The following EML6 variants were observed in gnomAD, a reference collection of about 807,000 sequenced individuals.
EML6 encodes the protein EMAP like 6, also known as echinoderm microtubule-associated protein-like 6.
A neutral mutation model predicts 240.1 loss-of-function variants in EML6; 154 were observed. The ratio of observed to expected loss-of-function variants is 0.64; its 90% confidence interval spans 0.56 to 0.73. The LOEUF (loss-of-function observed/expected upper bound fraction) is 0.73. EML6 is among the 30% of genes least tolerant of loss of function. The pLI is 0.00. For synonymous variants in EML6, 1,148 were observed against 899.0 expected (o/e 1.28, Z -4.95); for missense variants, 2,964 against 2,474.6 (o/e 1.20, Z -4.20).
At chr2:54,796,952 A>G (rs752400843) in intron 2 of EML6, among the ~76,000 whole-genome samples, 4 of 151,964 alleles carry the variant, frequency 2.6e-5, no homozygotes, top group African/African-American at 7.3e-5. Context: ...TCTCGAGGTC[A>G]GGAGATCCAG....
At chr2:54,844,467 A>C (rs74969338) in intron 8 of EML6, among the ~76,000 whole-genome samples, 4,263 of 152,230 alleles carry the variant, frequency 0.028, 204 homozygotes, top group African/African-American at 0.098. Flanking sequence ...TAGAAGTGAA[A>C]AATGCTTCAA....
rs761561463 is a variant in EML6, at chr2:54,847,564, C to T, written c.1128C>T (p.Pro376=). 1.4e-5 allele frequency: 21 copies of T among 1,552,276 alleles called. No homozygotes were observed. In the African/African-American group the frequency reaches 1.4e-4, roughly 10 times the overall value. Residue 376 remains proline (P), a synonymous_variant, in exon 9 of 42, where the codon CCC becomes CCT. Transcript: ENST00000356458. The stretch of plus-strand genomic sequence containing the variant: ...CGGTTCGCAGTGTAGCTTTCAGCCC[C>T]GACGGATCTCAGCTGGCCCTGGGCA... ...EEAVRSVAFS[P]DGSQLALGMK...
At chr2:54,830,325 C>T (rs1371895178) in intron 7 of EML6, among the ~76,000 whole-genome samples, 1 of 152,116 alleles carries the variant, frequency 6.6e-6, no homozygotes, top group East Asian at 1.9e-4. Context: ...ACAGGTGGGC[C>T]ACAGACCCTG....
intron 2 of EML6, among the ~76,000 whole-genome samples, chr2:54,751,992 C>G (rs1270317140): frequency 5.9e-5 from 9 of 152,188 alleles, no homozygotes; most frequent in Non-Finnish European, 1.3e-4. Context: ...TCAGCAGCCT[C>G]TATTTGTAAC....
At chr2:54,885,661 G>A (rs1020203006) in intron 17 of EML6, among the ~76,000 whole-genome samples, 1 of 152,000 alleles carries the variant, frequency 6.6e-6, no homozygotes, top group East Asian at 1.9e-4. Context: ...TCCCAGGCCA[G>A]AGTGCAGTGG....
intron 28 of EML6, among the ~76,000 whole-genome samples, chr2:54,931,623 C>G (rs1295544877): frequency 6.6e-6 from 1 of 152,182 alleles, no homozygotes; most frequent in East Asian, 1.9e-4. Context: ...TTCCCGTCAT[C>G]GTGCCTTCCG....
At chr2:54,848,536 C>CACACACACACACAG (rs1553395959) in intron 9 of EML6, among the ~76,000 whole-genome samples, 1 of 151,942 alleles carries the variant, frequency 6.6e-6, no homozygotes, top group Non-Finnish European at 1.5e-5. Context: ...CACACACACA[C>CACACACACACACAG]ACACACACAC....
intron 17 of EML6, chr2:54,882,545 A>T (rs993918197): frequency 6.6e-6 from 1 of 152,090 alleles, no homozygotes; most frequent in Non-Finnish European, 1.5e-5. Flanking sequence ...GGCTAATCTG[A>T]AAGTTTTGCT....
In EML6 at chr2:54,725,160, C is replaced by A; in HGVS notation, c.99C>A (p.Gly33=). 1 of 1,533,844 alleles carries A rather than the reference C, an allele frequency of 6.5e-7. No individual in the cohort carries two copies. The highest frequency in any genetic ancestry group is 1.2e-5 in the South Asian group (1 of 83,006). ...QCRNNLYYTA[G]KEVVYFVAGV... ...GCAACAACCTGTACTACACGGCAGG[C>A]AAGGAGGTGGTCTACTTTGTGGCTG... is the stretch of plus-strand genomic sequence containing the variant. The change falls in exon 2 of 42, where the codon GGC becomes GGA. Residue 33 remains glycine (G), a synonymous_variant. Transcript: ENST00000356458. This position sits in a 1 kb window ranked among gnomAD's most constrained non-coding sequence, Gnocchi z 4.3.
At position 54,938,863 on chromosome 2, in the gene EML6, C is replaced by A. The variant is rs531120874; in HGVS notation, c.4005-10019C>A. On this transcript the variant is annotated intron_variant, in intron 28 of 41. Transcript: ENST00000356458. ...TTCTGAGGGCTTTATTTTTGGTTTC[C>A]GTATTATCTCATTTCTGTTGGTGGG... Among the ~76,000 whole-genome samples the A allele has an allele frequency of 3.9e-5, 6 of 152,142 alleles. No individual in the cohort carries two copies. In the South Asian group the frequency reaches 1.0e-3, roughly 26 times the overall value.
chr2:54,745,517 C>A, intron 2 of EML6, among the ~76,000 whole-genome samples: 1 of 152,250 alleles, frequency 6.6e-6, no homozygotes, highest in South Asian at 2.1e-4. Context: ...TGGTCAATAT[C>A]TGTAATCTCA....
intron 26 of EML6, among the ~76,000 whole-genome samples, chr2:54,919,608 A>G (rs1426013151): frequency 2.6e-5 from 4 of 152,218 alleles, no homozygotes; most frequent in Non-Finnish European, 4.4e-5. Flanking sequence ...AGTTCTAAGT[A>G]GCCATTTTCC....
At chr2:54,794,192 C>G (rs186647676) in intron 2 of EML6, among the ~76,000 whole-genome samples, 6 of 152,156 alleles carry the variant, frequency 3.9e-5, no homozygotes, top group East Asian at 1.9e-4. Context: ...GCTGCTTGGT[C>G]ATGCAGCAGG....
intron 24 of EML6, among the ~76,000 whole-genome samples, chr2:54,905,332 AC>A (rs1349818282): frequency 1.3e-4 from 6 of 45,304 alleles, no homozygotes; most frequent in Admixed American, 5.3e-4. Context: ...ACACACACAC[AC>A]ACACACACAC....
At chr2:54,860,703 C>G (rs1285668770) in intron 12 of EML6, among the ~76,000 whole-genome samples, 2 of 152,236 alleles carry the variant, frequency 1.3e-5, no homozygotes, top group African/African-American at 2.4e-5. Context: ...ATATGAATGT[C>G]TGTCTAGACC....
At chr2:54,885,411 C>T (rs150071782) in intron 17 of EML6, among the ~76,000 whole-genome samples, 3,305 of 151,930 alleles carry the variant, frequency 0.022, 109 homozygotes, top group African/African-American at 0.072. Flanking sequence ...CATGCCACTG[C>T]ATTCCAGCCT....
chr2:54,953,967 GC>G lies in EML6; in HGVS notation c.4313-14del. On this transcript the variant is annotated splice_polypyrimidine_tract_variant and intron_variant, in intron 31 of 41. Coordinates refer to ENST00000356458, the MANE Select transcript of EML6 (RefSeq NM_001039753.4). ...TTTGTCAGCCTTACTTCTTTGTCAT[GC>G]CTCTCCACACTCAGGGACAACACCT... The G allele has an allele frequency of 6.5e-7, 1 of 1,536,614 alleles. No homozygotes were observed. Among genetic ancestry groups the G allele is most frequent in the Non-Finnish European group, 8.8e-7 (1 of 1,137,394 alleles).
chr2:54,892,742 TA>T, intron 19 of EML6, 86 bp downstream of exon 19: 10 of 1,002,500 alleles, frequency 1.0e-5, no homozygotes, highest in East Asian at 2.6e-5. Context: ...AGGATGCCTG[TA>T]TCTAAAACAG....
At chr2:54,903,266 T>G (rs1320076527) in intron 23 of EML6, 70 bp downstream of exon 23, 18 of 1,522,736 alleles carry the variant, frequency 1.2e-5, no homozygotes, top group Non-Finnish European at 1.6e-5. Flanking sequence ...AATGAACTAT[T>G]TCAAATGTTT....
Sources: allele counts gnomAD v4.1 joint callset (sites outside exome capture counted in the v4.1 genomes callset), GRCh38; gene constraint gnomAD v4.1.1; non-coding constraint Gnocchi (gnomAD v3.1); transcripts MANE v1.5; gene names NCBI Gene and HGNC (gene_info 2026-07-23, HGNC 2026-07-21).